Variants in RBFOX1 observed in about 807,000 individuals in gnomAD.
RBFOX1 encodes the protein RNA binding protein fox-1 homolog 1.
A neutral mutation model predicts 57.7 loss-of-function variants in RBFOX1; 8 were observed. The ratio of observed to expected loss-of-function variants is 0.14; its 90% CI spans 0.08 to 0.25. The LOEUF is 0.25. RBFOX1 is among the 10% of genes least tolerant of loss of function. The pLI, the probability that RBFOX1 is intolerant of heterozygous loss-of-function variation, is 1.00. For missense variants in RBFOX1, 611 were observed against 548.5 expected (o/e 1.11, Z -1.14); for synonymous variants, 326 against 222.4 (o/e 1.47, Z -4.15).
chr16:6,636,661 A>G (rs1298360234), intron 2 of RBFOX1, among the ~76,000 whole-genome samples: 2 of 150,292 alleles, frequency 1.3e-5, no homozygotes, highest in East Asian at 1.9e-4. Context: ...AAATGCCTCA[A>G]CCGAGCTACA....
intron 3 of RBFOX1, among the ~76,000 whole-genome samples, chr16:6,670,053 G>T (rs898215361): frequency 6.6e-6 from 1 of 152,082 alleles, no homozygotes; most frequent in Non-Finnish European, 1.5e-5. Context: ...ACAGGGCCTT[G>T]CTCTAGTGTC....
chr16:5,262,964 A>G (rs1037475853), intron 1 of RBFOX1, among the ~76,000 whole-genome samples: 4 of 152,050 alleles, frequency 2.6e-5, no homozygotes, highest in Non-Finnish European at 5.9e-5. Context: ...TATCTGGAGG[A>G]TCTTTACTTC....
chr16:5,724,003 T>C (rs188110057), intron 3 of RBFOX1, among the ~76,000 whole-genome samples: 25 of 134,336 alleles, frequency 1.9e-4, no homozygotes, highest in Non-Finnish European at 3.3e-4. Flanking sequence ...AGTGTCGGTG[T>C]ATAGCTCCCT....
At chr16:7,535,985 T>C (rs1272692460) in intron 5 of RBFOX1, among the ~76,000 whole-genome samples, 1 of 152,146 alleles carries the variant, frequency 6.6e-6, no homozygotes, top group African/African-American at 2.4e-5. Flanking sequence ...AAGACAGACA[T>C]AGCTTCTCCT....
intron 2 of RBFOX1, among the ~76,000 whole-genome samples, chr16:6,524,307 G>A (rs112368994): frequency 6.6e-6 from 1 of 152,136 alleles, no homozygotes; most frequent in Admixed American, 6.6e-5. Context: ...ATTCTGTGTT[G>A]TTGCAAATGA....
chr16:7,170,427 A>G (rs1265251346), intron 4 of RBFOX1, among the ~76,000 whole-genome samples: 2 of 151,970 alleles, frequency 1.3e-5, no homozygotes, highest in Admixed American at 1.3e-4. Flanking sequence ...ACAGGTCACC[A>G]CACCCAGCTA....
chr16:7,474,794 G>T (rs573981732), intron 4 of RBFOX1, among the ~76,000 whole-genome samples: 2 of 152,278 alleles, frequency 1.3e-5, no homozygotes, highest in South Asian at 4.1e-4. Context: ...AGTATAAAGC[G>T]TTCACCATGA....
intron 10 of RBFOX1, among the ~76,000 whole-genome samples, chr16:7,620,684 G>T (rs938909432): frequency 5.9e-5 from 9 of 152,146 alleles, no homozygotes; most frequent in Non-Finnish European, 1.2e-4. Context: ...TGGGGGTAAT[G>T]GATATTGATC....
chr16:6,333,050 TC>T (rs1052583075), intron 2 of RBFOX1, among the ~76,000 whole-genome samples: 1 of 152,202 alleles, frequency 6.6e-6, no homozygotes, highest in Non-Finnish European at 1.5e-5. Flanking sequence ...TCTTTTTTTT[TC>T]TTTTTTGAGA....
At chr16:7,174,780 A>AAAAC (rs947977243) in intron 4 of RBFOX1, among the ~76,000 whole-genome samples, 1 of 152,216 alleles carries the variant, frequency 6.6e-6, no homozygotes, top group Non-Finnish European at 1.5e-5. Flanking sequence ...ACTCAGTCTC[A>AAAAC]AAACAAACAG....
intron 2 of RBFOX1, among the ~76,000 whole-genome samples, chr16:5,491,128 C>T (rs960211313): frequency 6.6e-6 from 1 of 152,132 alleles, no homozygotes; most frequent in Non-Finnish European, 1.5e-5. Context: ...TGCAGTCTGT[C>T]ATCGGCCGAA....
At chr16:7,160,853 CCTCCTT>C (rs1201675612) in intron 4 of RBFOX1, among the ~76,000 whole-genome samples, 2 of 151,018 alleles carry the variant, frequency 1.3e-5, no homozygotes, top group Admixed American at 6.6e-5. Flanking sequence ...TCCTCCTCCT[CCTCCTT>C]CTTTTTCTTC....
intron 3 of RBFOX1, among the ~76,000 whole-genome samples, chr16:5,737,811 A>C (rs1387331268): frequency 6.6e-6 from 1 of 152,096 alleles, no homozygotes. Context: ...ATCTCAATAA[A>C]GTCTGGTTTT....
At chr16:7,139,372 C>T (rs1415965155) in intron 4 of RBFOX1, among the ~76,000 whole-genome samples, 3 of 152,114 alleles carry the variant, frequency 2.0e-5, no homozygotes, top group South Asian at 2.1e-4. Context: ...TTCTGCCATG[C>T]TTGGCTTCAT....
chr16:7,239,871 T>C (rs2152963570), intron 4 of RBFOX1, among the ~76,000 whole-genome samples: 1 of 144,990 alleles, frequency 6.9e-6, no homozygotes, highest in East Asian at 1.9e-4. Context: ...ACTGGGCCCA[T>C]AGAGTTCGTT....
At chr16:7,056,122 G>A (rs951854075) in intron 4 of RBFOX1, among the ~76,000 whole-genome samples, 2 of 152,100 alleles carry the variant, frequency 1.3e-5, no homozygotes, top group Non-Finnish European at 2.9e-5. Context: ...ATGGGGCATC[G>A]TGCATTAGTA....
At chr16:6,017,508 C>G (rs2095002539), upstream of RBFOX1, among the ~76,000 whole-genome samples, 1 of 151,796 alleles carries the variant, frequency 6.6e-6, no homozygotes, top group Admixed American at 6.6e-5. Flanking sequence ...AAGGATGAGA[C>G]TAGTATAAAG....
chr16:5,867,902 G>A (rs952566920), intron 4 of RBFOX1, among the ~76,000 whole-genome samples: 1 of 151,992 alleles, frequency 6.6e-6, no homozygotes, highest in East Asian at 1.9e-4. Context: ...AGTAGAGACA[G>A]GGTTTCACCA....
At chr16:5,676,183 A>ATTTG in intron 3 of RBFOX1, among the ~76,000 whole-genome samples, 1 of 152,164 alleles carries the variant, frequency 6.6e-6, no homozygotes, top group East Asian at 1.9e-4. Context: ...GGTGTAGCAA[A>ATTTG]CCACCATGGC....
Sources: allele counts gnomAD v4.1 joint callset (sites outside exome capture counted in the v4.1 genomes callset), GRCh38; gene constraint gnomAD v4.1.1; transcripts MANE v1.5; gene names NCBI Gene and HGNC (gene_info 2026-07-23, HGNC 2026-07-21).